Variants in LETM2 observed in about 807,000 individuals in gnomAD.
The protein encoded by LETM2 is leucine zipper and EF-hand containing transmembrane protein 2, also known as LETM1 domain-containing protein LETM2, mitochondrial.
A neutral mutation model predicts 59.6 loss-of-function variants in LETM2; 58 were observed. The ratio of observed to expected loss-of-function variants is 0.97; its 90% confidence interval spans 0.79 to 1.21. The LOEUF is 1.21. LETM2 is among the 50% of genes most tolerant of loss of function. LETM2 has a pLI of 0.00. For synonymous variants in LETM2, 199 were observed against 214.1 expected (o/e 0.93, Z 0.62); for missense variants, 572 against 575.7 (o/e 0.99, Z 0.07).
intron 2 of LETM2, 66 bp downstream of exon 2, chr8:38,388,096 T>C (rs1276658031): frequency 1.1e-5 from 10 of 915,318 alleles, no homozygotes; most frequent in African/African-American, 9.8e-5. Flanking sequence ...TTTTTTTTTT[T>C]CTGAGATGGA....
At position 38,400,882 on chromosome 8, in the gene LETM2, G is replaced by A. The variant is rs1284170767; in HGVS notation, c.813G>A (p.Lys271=). ...AGACAGGCCACAAGCCCAGCACAAAGGAGATAGTTCGCTTCTCCAAACTAT... is the reference window on the plus strand; with the variant it reads ...AGACAGGCCACAAGCCCAGCACAAAAGAGATAGTTCGCTTCTCCAAACTAT... ...QVQTGHKPST[K]EIVRFSKLFE... Residue 271 remains lysine, a synonymous_variant, in exon 6 of 11, where the codon AAG becomes AAA. Coordinates refer to ENST00000379957, the MANE Select transcript of LETM2 (RefSeq NM_001286819.2). 6.2e-7 allele frequency: 1 copy of A among 1,614,178 alleles called. No individual in the cohort carries two copies. Among genetic ancestry groups the A allele is most frequent in the Non-Finnish European group, 8.5e-7 (1 of 1,180,040 alleles).
intron 1 of LETM2, among the ~76,000 whole-genome samples, chr8:38,387,492 A>G (rs1405722460): frequency 2.0e-5 from 3 of 152,188 alleles, no homozygotes; most frequent in Non-Finnish European, 2.9e-5. Flanking sequence ...ACTGCTACAT[A>G]AATTAGATTA....
At chr8:38,382,754 G>C (rs934510598), upstream of LETM2, 17 of 152,304 alleles carry the variant, frequency 1.1e-4, no homozygotes, top group African/African-American at 3.9e-4. The surrounding 1 kb of genome is among the most constrained non-coding windows in gnomAD (Gnocchi z 4.2). Context: ...GCGACCCCTC[G>C]GCCGTCTCCC....
rs778465742 is a variant in LETM2, at chr8:38,408,505, G to T, written c.*231G>T. The T allele has an allele frequency of 1.4e-4, 65 of 452,630 alleles. No homozygotes were observed. The highest frequency in any genetic ancestry group is 5.8e-4 in the Middle Eastern group (1 of 1,710). The allele number at this position is 452,630 out of a possible 1,614,324, so 28.0% of individuals were successfully genotyped here. ...AAAGTCCCATTTCCTCTGTACCATT[G>T]TCACCCCACTCAACTTTGTATAAAG... On this transcript the variant is annotated 3_prime_UTR_variant, in exon 11 of 11. Transcript: ENST00000379957.
chr8:38,396,969 G>C, intron 4 of LETM2: 1 of 379,136 alleles, frequency 2.6e-6, no homozygotes, highest in South Asian at 1.9e-5. Flanking sequence ...GTGACTAGTG[G>C]AACAGTAGGT....
In LETM2 at chr8:38,394,078, A is replaced by G. The variant is rs1465716996; in HGVS notation, c.502-20A>G. Reference sequence around the variant, plus strand: ...CATGCCCTAAAATAATGAATATTGCATATGCATTTAATTCTATAGCTGTTG... The same window carrying G: ...CATGCCCTAAAATAATGAATATTGCGTATGCATTTAATTCTATAGCTGTTG... On this transcript the variant is annotated intron_variant, in intron 3 of 10. Transcript: ENST00000379957. The G allele has an allele frequency of 9.8e-6, 14 of 1,423,538 alleles. No individual in the cohort carries two copies. Among genetic ancestry groups the G allele is most frequent in the African/African-American group, 4.4e-5 (3 of 68,810 alleles). The allele number at this position is 1,423,538 out of a possible 1,614,324, so 88.2% of individuals were successfully genotyped here.
At chr8:38,407,141 A>G in intron 9 of LETM2, 103 bp downstream of exon 9, 1 of 764,816 alleles carries the variant, frequency 1.3e-6, no homozygotes, top group Non-Finnish European at 2.2e-6. Context: ...GAAATTCAAT[A>G]CAATAATGTT....
intron 8 of LETM2, 53 bp from the exon 9 acceptor site, chr8:38,406,893 G>A (rs1461049806): frequency 2.4e-6 from 3 of 1,227,538 alleles, no homozygotes; most frequent in Non-Finnish European, 3.6e-6. Context: ...AAAAGTTTCT[G>A]GGTTTTAGGA....
At chr8:38,394,388 A>G (rs1351409757) in intron 4 of LETM2, 147 bp downstream of exon 4, 1 of 466,908 alleles carries the variant, frequency 2.1e-6, no homozygotes, top group Non-Finnish European at 3.7e-6. Context: ...TTAGTGTGCT[A>G]TATTTGTAAT....
At position 38,404,484 on chromosome 8, in the gene LETM2, T is replaced by C. The variant is rs1398129510; in HGVS notation, c.1196T>C (p.Ile399Thr). The C allele has an allele frequency of 2.5e-6, 4 of 1,613,502 alleles. No individual in the cohort carries two copies. Among genetic ancestry groups the C allele is most frequent in the East Asian group, 2.2e-5 (1 of 44,878 alleles). The stretch of plus-strand genomic sequence containing the variant: ...CTGATAGATGTGAAGCCCAAGCCGA[T>C]TGAGATACCACTCAGTGGGGAGGTG... ...FYLIDVKPKP[I>T]EIPLSGEAPK... The change falls in exon 8 of 11, where the codon ATT becomes ACT. Residue 399 changes from isoleucine to threonine, a missense_variant. Coordinates refer to ENST00000379957, the MANE Select transcript of LETM2 (RefSeq NM_001286819.2).
intron 2 of LETM2, 50 bp downstream of exon 2, chr8:38,388,080 C>T (rs368879947): frequency 9.6e-5 from 85 of 889,964 alleles, no homozygotes; most frequent in Admixed American, 1.4e-4. Flanking sequence ...TCTTCTTCTT[C>T]TTTTTTTTTT....
chr8:38,394,036 TTCA>T, intron 3 of LETM2, 59 bp from the exon 4 acceptor site: 1 of 1,293,890 alleles, frequency 7.7e-7, no homozygotes, highest in East Asian at 2.9e-5. Context: ...GGTTTTGTTT[TTCA>T]TTTTTGTTTT....
chr8:38,402,467 AG>A, intron 6 of LETM2, 57 bp from the exon 7 acceptor site: 1 of 1,588,422 alleles, frequency 6.3e-7, no homozygotes. Context: ...GCTGGAATTT[AG>A]GGTTTACGTA....
At chr8:38,406,865 A>G in intron 8 of LETM2, 81 bp from the exon 9 acceptor site, 1 of 840,534 alleles carries the variant, frequency 1.2e-6, no homozygotes, top group Non-Finnish European at 2.0e-6. Context: ...TAGTGCTAAA[A>G]AAGGCATTGA....
intron 2 of LETM2, among the ~76,000 whole-genome samples, chr8:38,391,749 T>G (rs1472529550): frequency 4.6e-5 from 7 of 151,676 alleles, no homozygotes; most frequent in Non-Finnish European, 1.0e-4. Flanking sequence ...TGGAGTGCAG[T>G]GGCATAGTCT....
Position 38,392,590 on chromosome 8 carries a change from A to G in LETM2, c.96A>G (p.Ser32=), listed in dbSNP as rs1429666356. Residue 32 remains serine (S), a synonymous_variant, in exon 3 of 11, where the codon TCA becomes TCG. Transcript: ENST00000379957. ...CTACCTGCTCTTCTTATTCCCCATC[A>G]TGTGCATTTCTTCACTTGCCAGATT... ...VHPTCSSYSP[S]CAFLHLPDSH... 1.2e-6 allele frequency: 2 copies of G among 1,613,236 alleles called. No homozygotes were observed. Among genetic ancestry groups the G allele is most frequent in the Non-Finnish European group, 1.7e-6 (2 of 1,179,936 alleles).
rs149925299 is a variant in LETM2 at position 38,400,406 on chromosome 8, G to A, written c.780G>A (p.Lys260=). Residue 260 remains lysine (K), a synonymous_variant, in exon 5 of 11, where the codon AAG becomes AAA. Coordinates refer to ENST00000379957, the MANE Select transcript of LETM2 (RefSeq NM_001286819.2). Reference sequence around the variant, plus strand: ...CTACACAGCTCTCATCCTACGTGAAGCAGGTGTCCATCTTTTATGTAATGC... The same window carrying A: ...CTACACAGCTCTCATCCTACGTGAAACAGGTGTCCATCTTTTATGTAATGC... ...DASTQLSSYV[K]QVQTGHKPST... 2 of 1,571,114 alleles carry A rather than the reference G, an allele frequency of 1.3e-6. No homozygotes were observed. The highest frequency in any genetic ancestry group is 2.7e-5 in the African/African-American group (2 of 73,208).
chr8:38,402,108 A>G (rs1563395574), intron 6 of LETM2, among the ~76,000 whole-genome samples: 1 of 152,106 alleles, frequency 6.6e-6, no homozygotes, highest in African/African-American at 2.4e-5. Flanking sequence ...TGTTAGGGCC[A>G]TTTCTGGGGG....
intron 4 of LETM2, among the ~76,000 whole-genome samples, chr8:38,395,057 A>G (rs1313500597): frequency 1.3e-5 from 2 of 152,122 alleles, no homozygotes; most frequent in Non-Finnish European, 2.9e-5. Flanking sequence ...TCATTGCTCA[A>G]TTCTTTTTAT....
Sources: allele counts gnomAD v4.1 joint callset (sites outside exome capture counted in the v4.1 genomes callset), GRCh38; gene constraint gnomAD v4.1.1; non-coding constraint Gnocchi (gnomAD v3.1); transcripts MANE v1.5; gene names NCBI Gene and HGNC (gene_info 2026-07-23, HGNC 2026-07-21).